The following IQSEC1 variants were observed in gnomAD, a reference collection of about 807,000 sequenced individuals.
IQSEC1 encodes the protein IQ motif and Sec7 domain ArfGEF 1.
Under a neutral mutation model 91.0 loss-of-function variants are expected in IQSEC1, and 31 were observed. The ratio of observed to expected loss-of-function variants is 0.34; its 90% CI spans 0.26 to 0.46. The LOEUF (loss-of-function observed/expected upper bound fraction) is 0.46. IQSEC1 is among the 20% of genes least tolerant of loss of function. IQSEC1 has a pLI of 1.00. For missense variants in IQSEC1, 1,388 were observed against 1,575.6 expected, an observed-to-expected ratio of 0.88 and a Z score of 2.02; for synonymous variants, 699 against 662.6, an observed-to-expected ratio of 1.05 and a Z score of -0.84.
chr3:12,941,050 G>T (rs1698701927), intron 2 of IQSEC1, among the ~76,000 whole-genome samples: 1 of 152,234 alleles, frequency 6.6e-6, no homozygotes, highest in Admixed American at 6.5e-5. Flanking sequence ...GAGCAGGGAG[G>T]TGTGAGCCAG....
At chr3:13,210,869 G>C (rs971336808) in intron 1 of IQSEC1, among the ~76,000 whole-genome samples, 1 of 152,202 alleles carries the variant, frequency 6.6e-6, no homozygotes, top group Admixed American at 6.5e-5. Flanking sequence ...GGAGGGCACG[G>C]CCCACTGTGG....
chr3:12,916,622 T>C (rs1244312164), intron 6 of IQSEC1, among the ~76,000 whole-genome samples: 1 of 152,236 alleles, frequency 6.6e-6, no homozygotes, highest in African/African-American at 2.4e-5. Context: ...GCAATGCCTG[T>C]CCAAATGACA....
intron 1 of IQSEC1, among the ~76,000 whole-genome samples, chr3:13,168,899 G>T (rs1254556810): frequency 6.6e-6 from 1 of 152,148 alleles, no homozygotes; most frequent in Non-Finnish European, 1.5e-5. Flanking sequence ...CTGTGAACAT[G>T]TGACAATCTG....
intron 2 of IQSEC1, among the ~76,000 whole-genome samples, chr3:13,113,068 C>T (rs1158385765): frequency 1.3e-5 from 2 of 152,204 alleles, no homozygotes; most frequent in Non-Finnish European, 2.9e-5. Context: ...TTTCCAGGCT[C>T]CTGCTGCATG....
chr3:13,161,867 C>T lies in IQSEC1; in HGVS notation c.302+2237G>A, dbSNP rs182445329. On this transcript the variant is annotated intron_variant, in intron 2 of 15. Coordinates refer to the IQSEC1 transcript ENST00000648114. ...GTGGCTCGGAGCTGGGACATATGCTCGGCTCTGTGTGCCAGTCCCCCTGCA... is the reference window on the plus strand; with the variant it reads ...GTGGCTCGGAGCTGGGACATATGCTTGGCTCTGTGTGCCAGTCCCCCTGCA... Among the ~76,000 whole-genome samples, 10 of 152,280 alleles carry T rather than the reference C, an allele frequency of 6.6e-5. No homozygotes were observed. In the East Asian group the frequency reaches 1.9e-3, roughly 29 times the overall value.
chr3:13,166,005 G>C (rs1693488118), intron 1 of IQSEC1, among the ~76,000 whole-genome samples: 1 of 152,204 alleles, frequency 6.6e-6, no homozygotes, highest in African/African-American at 2.4e-5. Flanking sequence ...GCTGTGGACT[G>C]GTCACCCAGG....
intron 2 of IQSEC1, among the ~76,000 whole-genome samples, chr3:13,129,401 T>C (rs894298729): frequency 7.9e-5 from 12 of 152,198 alleles, no homozygotes; most frequent in African/African-American, 1.4e-4. Flanking sequence ...CACAGAGTTA[T>C]TACTTTCACT....
At chr3:12,965,242 G>A (rs1700487834) in intron 1 of IQSEC1, among the ~76,000 whole-genome samples, 1 of 152,250 alleles carries the variant, frequency 6.6e-6, no homozygotes, top group Non-Finnish European at 1.5e-5. Context: ...TATTTGTAGA[G>A]TGGTGCATGG....
chr3:13,138,252 C>T (rs1009209141), intron 2 of IQSEC1, among the ~76,000 whole-genome samples: 1 of 152,004 alleles, frequency 6.6e-6, no homozygotes, highest in Non-Finnish European at 1.5e-5. Context: ...TCCCAGCGAT[C>T]GACGAGACAA....
At chr3:13,199,970 C>T (rs1694210215) in intron 1 of IQSEC1, among the ~76,000 whole-genome samples, 1 of 149,092 alleles carries the variant, frequency 6.7e-6, no homozygotes, top group Non-Finnish European at 1.5e-5. Context: ...ACACATACAC[C>T]ACACCACATA....
chr3:12,915,551 G>C (rs771254023), intron 7 of IQSEC1, 43 bp downstream of exon 7: 4 of 1,597,082 alleles, frequency 2.5e-6, no homozygotes, highest in Non-Finnish European at 1.7e-6. Flanking sequence ...AGCCCCGCCC[G>C]GGTGGTGCTG....
intron 2 of IQSEC1, among the ~76,000 whole-genome samples, chr3:13,130,845 T>C (rs1021616619): frequency 6.6e-6 from 1 of 151,556 alleles, no homozygotes; most frequent in Non-Finnish European, 1.5e-5. Flanking sequence ...GTCCCAGCTA[T>C]GCTGGAGGCT....
chr3:13,246,286 G>T lies in IQSEC1; in HGVS notation c.272+36425C>A, dbSNP rs148366953. 1.1e-3 allele frequency among the ~76,000 whole-genome samples: 168 copies of T among 152,326 alleles called. 1 individual carries two copies. The highest frequency in any genetic ancestry group is 3.6e-3 in the African/African-American group (151 of 41,564). Reference sequence around the variant, plus strand: ...AGGCCGAGAACAGCAGGACTCCACTGATCTGATGCACTTGGAGTAGCCAAA... The same window carrying T: ...AGGCCGAGAACAGCAGGACTCCACTTATCTGATGCACTTGGAGTAGCCAAA... On this transcript the variant is annotated intron_variant, in intron 1 of 15. Coordinates refer to the IQSEC1 transcript ENST00000648114.
chr3:13,095,091 T>G (rs774633541), intron 2 of IQSEC1, among the ~76,000 whole-genome samples: 2 of 151,786 alleles, frequency 1.3e-5, no homozygotes, highest in South Asian at 2.1e-4. Flanking sequence ...TGCAGTTTAA[T>G]AACAATGCTC....
Position 13,036,464 on chromosome 3 carries a change from TA to T in IQSEC1, c.23+36527del, listed in dbSNP as rs199862378. Among the ~76,000 whole-genome samples, 962 of 152,240 alleles carry T rather than the reference TA, an allele frequency of 6.3e-3. 10 individuals are homozygous for T. Among genetic ancestry groups the T allele is most frequent in the African/African-American group, 0.022 (903 of 41,534 alleles). ...AATAATAAACAAAAATAATTTTTTT[TA>T]AAAAGAAAATTATGAAAGGAGCCAG... On this transcript the variant is annotated intron_variant, in intron 1 of 13. Transcript: ENST00000613206.
intron 1 of IQSEC1, among the ~76,000 whole-genome samples, chr3:13,273,561 AG>A (rs1695623730): frequency 6.6e-6 from 1 of 152,104 alleles, no homozygotes. Context: ...TTGGGGGAAA[AG>A]AGAGGGTGGG....
intron 1 of IQSEC1, among the ~76,000 whole-genome samples, chr3:13,068,392 C>G (rs1461592200): frequency 6.6e-6 from 1 of 152,250 alleles, no homozygotes; most frequent in East Asian, 1.9e-4. Flanking sequence ...CAGGCCATGC[C>G]AGCTTTGGGT....
chr3:12,962,195 C>G (rs533753216), intron 1 of IQSEC1, among the ~76,000 whole-genome samples: 64 of 152,198 alleles, frequency 4.2e-4, no homozygotes, highest in Non-Finnish European at 6.3e-4. Context: ...GACCTTTGAG[C>G]TTAAGGGCAG....
At chr3:12,960,097 CT>C (rs1221334029) in intron 1 of IQSEC1, among the ~76,000 whole-genome samples, 1 of 152,164 alleles carries the variant, frequency 6.6e-6, no homozygotes, top group Non-Finnish European at 1.5e-5. Context: ...AATAGCGGCA[CT>C]GCAATGGTAT....
Sources: allele counts gnomAD v4.1 joint callset (sites outside exome capture counted in the v4.1 genomes callset), GRCh38; gene constraint gnomAD v4.1.1; transcripts MANE v1.5; gene names NCBI Gene and HGNC (gene_info 2026-07-23, HGNC 2026-07-21).